Variants in TMLHE observed in about 807,000 individuals in gnomAD.
TMLHE encodes the protein trimethyllysine dioxygenase, mitochondrial.
TMLHE carries 18 observed loss-of-function variants against 25.7 expected under a neutral mutation model. That is an observed-to-expected ratio of 0.70 (90% CI 0.48 to 1.04). The LOEUF (loss-of-function observed/expected upper bound fraction) is 1.04. TMLHE is among the 50% of genes least tolerant of loss of function. The pLI is 0.00. For synonymous variants in TMLHE, 105 were observed against 97.0 expected (o/e 1.08, Z -0.49); for missense variants, 236 against 259.0 (o/e 0.91, Z 0.61).
At chrX:155,548,235 A>G (rs2067368633) in intron 1 of TMLHE, among the ~76,000 whole-genome samples, 1 of 111,820 alleles carries the variant, frequency 8.9e-6, no homozygotes, top group South Asian at 3.7e-4. Context: ...CTAAGCAAAA[A>G]TGGACAAATG....
intron 1 of TMLHE, among the ~76,000 whole-genome samples, chrX:155,584,767 C>A (rs1218224810): frequency 9.0e-6 from 1 of 111,086 alleles, no homozygotes; most frequent in Non-Finnish European, 1.9e-5. Flanking sequence ...TCCCCAGCAA[C>A]GTTTTCACTC....
At chrX:155,597,729 C>G (rs1272321499) in intron 1 of TMLHE, among the ~76,000 whole-genome samples, 1 of 111,031 alleles carries the variant, frequency 9.0e-6, no homozygotes, top group Non-Finnish European at 1.9e-5. Flanking sequence ...AAAGGAAATA[C>G]TCACTGGAGA....
chrX:155,573,372 T>G lies in TMLHE; in HGVS notation c.-1-28095A>C, dbSNP rs1397327702. 3.6e-5 allele frequency among the ~76,000 whole-genome samples: 2 copies of G among 56,066 alleles called. 1 individual carries two copies. The highest frequency in any genetic ancestry group is 9.3e-5 in the Non-Finnish European group (2 of 21,540). 48.7% of individuals were successfully genotyped at this position (56,066 alleles called of 115,157 possible). Reference sequence around the variant, plus strand: ...GGATGTGGAGAAATAGGAACACTTTTACACCGTTGGTGGGACTGTAAACTA... The same window carrying G: ...GGATGTGGAGAAATAGGAACACTTTGACACCGTTGGTGGGACTGTAAACTA... On this transcript the variant is annotated intron_variant, in intron 1 of 7. Transcript: ENST00000334398.
chrX:155,538,592 C>T (rs1288122643), intron 2 of TMLHE, among the ~76,000 whole-genome samples: 1 of 111,738 alleles, frequency 8.9e-6, no homozygotes, highest in African/African-American at 3.3e-5. Context: ...AACTGATGAC[C>T]TTGCTTCTTC....
chrX:155,550,345 A>AT (rs1276057250), intron 1 of TMLHE, among the ~76,000 whole-genome samples: 7 of 110,886 alleles, frequency 6.3e-5, no homozygotes, highest in African/African-American at 2.3e-4. Context: ...TTTTACTTCC[A>AT]TTTTTATTAT....
In TMLHE at chrX:155,548,595, T is replaced by TG. The variant is rs1569562100; in HGVS notation, c.-1-3319dup. ...CTAAAAAATACAAAAATTAGCCGGG[T>TG]GTGGTGGCACACACCTGTATTCCCA... On this transcript the variant is annotated intron_variant, in intron 1 of 7. Transcript: ENST00000334398. 7.1e-3 allele frequency among the ~76,000 whole-genome samples: 769 copies of TG among 108,266 alleles called. 27 individuals carry two copies. Among genetic ancestry groups the TG allele is most frequent in the African/African-American group, 0.025 (730 of 29,232 alleles). The allele number at this position is 108,266 out of a possible 115,157, so 94.0% of individuals were successfully genotyped here.
chrX:155,568,193 A>G (rs1557342346), intron 1 of TMLHE, among the ~76,000 whole-genome samples: 1 of 61,548 alleles, frequency 1.6e-5, no homozygotes, highest in African/African-American at 3.6e-5. Context: ...TATCCCCCAC[A>G]TGGCTCAGAG....
At chrX:155,577,542 G>A (rs782609911) in intron 1 of TMLHE, among the ~76,000 whole-genome samples, 2 of 108,406 alleles carry the variant, frequency 1.8e-5, no homozygotes, top group Admixed American at 9.9e-5. Flanking sequence ...ATCACACCAC[G>A]GTGCTCCAAC....
chrX:155,547,229 C>T (rs1175791847), intron 1 of TMLHE, among the ~76,000 whole-genome samples: 1 of 92,456 alleles, frequency 1.1e-5, no homozygotes, highest in Non-Finnish European at 2.2e-5. Context: ...ACTGCAAGCT[C>T]CGCCTCCCGG....
In TMLHE at chrX:155,606,866, T is replaced by A. The variant is rs7886871; in HGVS notation, c.-2+5926A>T. On this transcript the variant is annotated intron_variant, in intron 1 of 7. Coordinates refer to ENST00000334398, the MANE Select transcript of TMLHE (RefSeq NM_018196.4). ...CTTTCTGCACACAAACTAGAAAACC[T>A]AGAATAAACTGATAAATTCCTGGAG... Among the ~76,000 whole-genome samples the A allele has an allele frequency of 7.2e-3, 758 of 104,694 alleles. 6 individuals carry two copies. The highest frequency in any genetic ancestry group is 0.025 in the African/African-American group (717 of 28,953). The allele number at this position is 104,694 out of a possible 115,157, so 90.9% of individuals were successfully genotyped here. A position where few individuals can be genotyped will look rare whatever the true frequency, so the allele number is the denominator to read the frequency against.
intron 4 of TMLHE, among the ~76,000 whole-genome samples, chrX:155,512,375 G>A (rs1005858349): frequency 1.0e-4 from 10 of 96,555 alleles, no homozygotes; most frequent in Non-Finnish European, 1.8e-4. Flanking sequence ...GTGTCCATGT[G>A]TTCTCATTGT....
intron 1 of TMLHE, among the ~76,000 whole-genome samples, chrX:155,610,635 G>A (rs1364869900): frequency 2.7e-5 from 3 of 110,545 alleles, no homozygotes; most frequent in Non-Finnish European, 3.8e-5. Flanking sequence ...CATGAGAGTC[G>A]AGGGTCATGC....
At chrX:155,585,055 C>T (rs1459070004) in intron 1 of TMLHE, among the ~76,000 whole-genome samples, 2 of 111,121 alleles carry the variant, frequency 1.8e-5, no homozygotes, top group Admixed American at 9.5e-5. Flanking sequence ...ACAAAAGGAA[C>T]AAAAAATATA....
Position 155,573,185 on chromosome X carries a change from C to T in TMLHE, c.-1-27908G>A, listed in dbSNP as rs1467100658. ...AAAGTGGGCGAAGGATATGAACAGA[C>T]ACTTCTCAAAAGAAGACATTTATGC... is the stretch of plus-strand genomic sequence containing the variant. On this transcript the variant is annotated intron_variant, in intron 1 of 7. Coordinates refer to ENST00000334398, the MANE Select transcript of TMLHE (RefSeq NM_018196.4). Among the ~76,000 whole-genome samples, 3 of 57,892 alleles carry T rather than the reference C, an allele frequency of 5.2e-5. 1 individual carries two copies. Among genetic ancestry groups the T allele is most frequent in the African/African-American group, 4.1e-5 (1 of 24,367 alleles). The allele number at this position is 57,892 out of a possible 115,157, so 50.3% of individuals were successfully genotyped here.
intron 1 of TMLHE, among the ~76,000 whole-genome samples, chrX:155,569,517 C>G (rs1262166272): frequency 3.6e-5 from 2 of 56,005 alleles, no homozygotes; most frequent in Non-Finnish European, 9.2e-5. Flanking sequence ...AAGAGCAACT[C>G]CAAGACACAT....
At chrX:155,546,060 G>A (rs1026327374) in intron 1 of TMLHE, among the ~76,000 whole-genome samples, 6 of 110,474 alleles carry the variant, frequency 5.4e-5, no homozygotes, top group Admixed American at 1.9e-4. Flanking sequence ...CGCTGGTTAT[G>A]TGTGCTGTGG....
chrX:155,577,380 C>G (rs782188056), intron 1 of TMLHE, among the ~76,000 whole-genome samples: 6 of 110,420 alleles, frequency 5.4e-5, no homozygotes, highest in Admixed American at 1.9e-4. Flanking sequence ...GAGTTTGAGA[C>G]CAGGCTGGGC....
chrX:155,530,585 CTA>C (rs1326893558), intron 2 of TMLHE, among the ~76,000 whole-genome samples: 3 of 112,035 alleles, frequency 2.7e-5, no homozygotes, highest in Admixed American at 9.5e-5. Context: ...AAATGGGTAA[CTA>C]TGTGAGATGA....
chrX:155,610,892 A>G (rs2067815406), intron 1 of TMLHE, among the ~76,000 whole-genome samples: 1 of 110,149 alleles, frequency 9.1e-6, no homozygotes, highest in Non-Finnish European at 1.9e-5. Flanking sequence ...TGTGCTGCCA[A>G]TCTCAGTGAA....
Sources: gnomAD v4.1 joint callset for allele counts (sites outside exome capture counted in the v4.1 genomes callset) on GRCh38, gnomAD v4.1.1 for gene constraint, MANE v1.5 for transcripts, NCBI Gene and HGNC (gene_info 2026-07-23, HGNC 2026-07-21) for gene names.